RAI14: variants seen among roughly 807,000 people sequenced by gnomAD.
RAI14 encodes the protein ankycorbin.
Under a neutral mutation model 115.4 loss-of-function variants are expected in RAI14, and 45 were observed. The ratio of observed to expected loss-of-function variants is 0.39; its 90% CI spans 0.31 to 0.50. RAI14 has a LOEUF of 0.50. Among genes scored for constraint, RAI14 ranks in the 20% least tolerant of loss-of-function variants. The probability of loss-of-function intolerance (pLI) is 0.85; values close to 1 mark genes in which losing one functional copy is unlikely to be tolerated. For synonymous variants in RAI14, 371 were observed against 415.4 expected (o/e 0.89, Z 1.30); for missense variants, 939 against 1,131.2 (o/e 0.83, Z 2.44).
intron 3 of RAI14, among the ~76,000 whole-genome samples, chr5:34,786,763 C>T (rs764653445): frequency 2.4e-4 from 37 of 152,158 alleles, no homozygotes; most frequent in Admixed American, 9.8e-4. Context: ...CCAGCTCGGT[C>T]GTGGAGACCC....
intron 3 of RAI14, among the ~76,000 whole-genome samples, chr5:34,774,578 T>C (rs1391994138): frequency 6.6e-6 from 1 of 151,946 alleles, no homozygotes; most frequent in African/African-American, 2.4e-5. Flanking sequence ...ATCTCTACAA[T>C]GAAAACTATA....
chr5:34,768,894 C>T (rs1483934654), intron 3 of RAI14, among the ~76,000 whole-genome samples: 1 of 151,784 alleles, frequency 6.6e-6, no homozygotes, highest in Admixed American at 6.6e-5. Context: ...GAGGCTGAGG[C>T]ACATGAATCG....
At chr5:34,714,236 T>C (rs573778456) in intron 2 of RAI14, among the ~76,000 whole-genome samples, 1 of 152,350 alleles carries the variant, frequency 6.6e-6, no homozygotes, top group East Asian at 1.9e-4. Flanking sequence ...TTTTTTCTGT[T>C]CATTAATGTC....
chr5:34,697,333 G>T (rs1456061059), intron 2 of RAI14, among the ~76,000 whole-genome samples: 1 of 151,870 alleles, frequency 6.6e-6, no homozygotes, highest in Non-Finnish European at 1.5e-5. Context: ...CTACTCAGGG[G>T]GCTGAGGCAG....
intron 2 of RAI14, among the ~76,000 whole-genome samples, chr5:34,714,299 T>C (rs72730541): frequency 0.033 from 5,003 of 152,324 alleles, 114 homozygotes; most frequent in South Asian, 0.072. Flanking sequence ...GTTCTCAGAA[T>C]AGCCTTTGAA....
chr5:34,702,494 G>C (rs1366788044), intron 2 of RAI14, among the ~76,000 whole-genome samples: 1 of 152,146 alleles, frequency 6.6e-6, no homozygotes, highest in Non-Finnish European at 1.5e-5. Context: ...GGGGGCAAGT[G>C]AGCGGGGGAA....
chr5:34,779,944 G>A (rs1428279637), intron 3 of RAI14, among the ~76,000 whole-genome samples: 1 of 152,104 alleles, frequency 6.6e-6, no homozygotes, highest in Non-Finnish European at 1.5e-5. Context: ...CAAAGCTGGA[G>A]GCATCACACT....
Position 34,662,829 on chromosome 5 carries a change from A to G in RAI14, c.-49+6354A>G, listed in dbSNP as rs929596707. Among the ~76,000 whole-genome samples, 5 of 143,690 alleles carry G rather than the reference A, an allele frequency of 3.5e-5. No individual in the cohort carries two copies. The Admixed American group carries it at 3.8e-4, about 11-fold the overall frequency. The allele number at this position is 143,690 out of a possible 152,430, so 94.3% of individuals were successfully genotyped here. ...CTGCAACCTCCGCCTCTCAAGTTCA[A>G]TCAATTCTCCTGCCTCAGCCTCCTG... On this transcript the variant is annotated intron_variant, in intron 1 of 17. Transcript: ENST00000265109.
intron 3 of RAI14, among the ~76,000 whole-genome samples, chr5:34,779,991 C>A: frequency 6.6e-6 from 1 of 152,156 alleles, no homozygotes; most frequent in East Asian, 1.9e-4. Flanking sequence ...CTACCATAAC[C>A]AAAACAGCAC....
chr5:34,827,708 C>T lies in RAI14; in HGVS notation c.2799+1229C>T, dbSNP rs760158398. Among the ~76,000 whole-genome samples the T allele has an allele frequency of 3.3e-5, 5 of 152,196 alleles. No individual in the cohort carries two copies. Among genetic ancestry groups the T allele is most frequent in the Non-Finnish European group, 7.3e-5 (5 of 68,032 alleles). On this transcript the variant is annotated intron_variant, in intron 16 of 17. Transcript: ENST00000265109. This position sits in a 1 kb window ranked among gnomAD's most constrained non-coding sequence, Gnocchi z 4.2. Reference sequence around the variant, plus strand: ...TTCTTCTCCTGATAAAATGGTATTACAGACTTGTAGATAAAGTGCTATTGG... The same window carrying T: ...TTCTTCTCCTGATAAAATGGTATTATAGACTTGTAGATAAAGTGCTATTGG...
chr5:34,803,182 T>A (rs1754476264), intron 4 of RAI14, among the ~76,000 whole-genome samples: 1 of 152,166 alleles, frequency 6.6e-6, no homozygotes. Flanking sequence ...ACAACAGCAG[T>A]TGGAACCTGT....
At chr5:34,694,012 G>A (rs185592480) in intron 2 of RAI14, among the ~76,000 whole-genome samples, 6 of 152,252 alleles carry the variant, frequency 3.9e-5, no homozygotes, top group East Asian at 3.9e-4. Context: ...CTCTGTCTAC[G>A]TGGAGCTCCA....
intron 2 of RAI14, among the ~76,000 whole-genome samples, chr5:34,745,816 A>C (rs372009961): frequency 2.0e-5 from 3 of 152,052 alleles, no homozygotes; most frequent in South Asian, 4.1e-4. Flanking sequence ...CCCGGGAGCT[A>C]TTGGAGCATT....
At chr5:34,657,601 C>T (rs1258748821) in intron 1 of RAI14, among the ~76,000 whole-genome samples, 2 of 152,246 alleles carry the variant, frequency 1.3e-5, no homozygotes, top group African/African-American at 2.4e-5. Context: ...CTCTTCGCCG[C>T]AGCTCACGCA....
At chr5:34,718,200 C>G (rs1176458103) in intron 2 of RAI14, among the ~76,000 whole-genome samples, 1 of 152,186 alleles carries the variant, frequency 6.6e-6, no homozygotes, top group East Asian at 1.9e-4. Flanking sequence ...CACGTGGTAA[C>G]CACCTTCAGT....
intron 5 of RAI14, among the ~76,000 whole-genome samples, chr5:34,805,100 T>C (rs1754704905): frequency 6.6e-6 from 1 of 152,216 alleles, no homozygotes. Flanking sequence ...TTGTGCTGCT[T>C]TAAAATTAGG....
At chr5:34,701,741 G>T (rs2149932418) in intron 2 of RAI14, among the ~76,000 whole-genome samples, 1 of 152,168 alleles carries the variant, frequency 6.6e-6, no homozygotes, top group Non-Finnish European at 1.5e-5. Context: ...CCTGAGGGCT[G>T]TGCACAGGTC....
chr5:34,829,257 G>A (rs986076825), intron 16 of RAI14, among the ~76,000 whole-genome samples: 2 of 151,798 alleles, frequency 1.3e-5, no homozygotes, highest in South Asian at 2.1e-4. Flanking sequence ...GCGTGATCTC[G>A]GCTCACTACA....
chr5:34,728,026 A>T (rs1743691547), intron 2 of RAI14, among the ~76,000 whole-genome samples: 1 of 152,116 alleles, frequency 6.6e-6, no homozygotes, highest in Non-Finnish European at 1.5e-5. Flanking sequence ...CAGCCTGTGA[A>T]AGCAGTGTGG....
Sources: gnomAD v4.1 joint callset for allele counts (sites outside exome capture counted in the v4.1 genomes callset) on GRCh38, gnomAD v4.1.1 for gene constraint, Gnocchi (gnomAD v3.1) non-coding constraint, MANE v1.5 for transcripts, NCBI Gene and HGNC (gene_info 2026-07-23, HGNC 2026-07-21) for gene names.